The following SEMA5A variants were observed in gnomAD, a reference collection of about 807,000 sequenced individuals.
SEMA5A encodes semaphorin-5A.
In SEMA5A, 55 loss-of-function variants were observed where a neutral mutation model predicts 135.5. The ratio of observed to expected loss-of-function variants is 0.41; its 90% CI spans 0.33 to 0.51. SEMA5A has a LOEUF of 0.51. Among genes scored for constraint, SEMA5A ranks in the 20% least tolerant of loss-of-function variants. The pLI is 0.37. For synonymous variants in SEMA5A, 580 were observed against 546.5 expected (o/e 1.06, Z -0.85); for missense variants, 1,290 against 1,419.9 (o/e 0.91, Z 1.47).
At chr5:9,111,032 AAT>A (rs1424962451) in intron 15 of SEMA5A, among the ~76,000 whole-genome samples, 4 of 152,354 alleles carry the variant, frequency 2.6e-5, no homozygotes, top group Non-Finnish European at 4.4e-5. Flanking sequence ...AAGTAAAATT[AAT>A]ATGTGTGTTG....
At chr5:9,154,796 G>T in intron 11 of SEMA5A, 101 bp from the exon 12 acceptor site, 2 of 1,011,026 alleles carry the variant, frequency 2.0e-6, no homozygotes, top group Non-Finnish European at 3.0e-6. Flanking sequence ...TGGATCTTCA[G>T]CCAGGAAAGC....
In SEMA5A at chr5:9,340,231, G is replaced by A. The variant is rs552126405; in HGVS notation, c.125-2419C>T. Among the ~76,000 whole-genome samples, 11 of 152,278 alleles carry A rather than the reference G, an allele frequency of 7.2e-5. No individual in the cohort carries two copies. In the South Asian group the frequency reaches 2.3e-3, roughly 32 times the overall value. On this transcript the variant is annotated intron_variant, in intron 3 of 22. Transcript: ENST00000382496. ...CAGATGGGAAACACATGACCAGGGA[G>A]CACTGCCAGGACCAGGCTCCAGAGT...
chr5:9,206,301 G>T (rs1746011350), intron 8 of SEMA5A, among the ~76,000 whole-genome samples: 3 of 152,102 alleles, frequency 2.0e-5, no homozygotes, highest in Admixed American at 2.0e-4. Flanking sequence ...AACATACTGA[G>T]TTATGTATTA....
intron 1 of SEMA5A, among the ~76,000 whole-genome samples, chr5:9,456,274 C>T (rs1758831414): frequency 6.6e-6 from 1 of 152,222 alleles, no homozygotes; most frequent in Non-Finnish European, 1.5e-5. Context: ...GTGGTAGCCA[C>T]ACTCTCCCTA....
At chr5:9,111,525 A>G (rs1310593458) in intron 15 of SEMA5A, among the ~76,000 whole-genome samples, 3 of 152,206 alleles carry the variant, frequency 2.0e-5, no homozygotes, top group Non-Finnish European at 4.4e-5. Flanking sequence ...ACTTTCAGCC[A>G]GTGTTAATAA....
intron 21 of SEMA5A, among the ~76,000 whole-genome samples, chr5:9,047,399 G>A (rs1378432657): frequency 6.6e-6 from 1 of 152,112 alleles, no homozygotes; most frequent in East Asian, 1.9e-4. Context: ...AGCTCTCTAA[G>A]ACAAAAAATT....
intron 1 of SEMA5A, among the ~76,000 whole-genome samples, chr5:9,538,014 A>G (rs1008797915): frequency 1.3e-5 from 2 of 152,182 alleles, no homozygotes; most frequent in African/African-American, 4.8e-5. Flanking sequence ...TGCCCACAAG[A>G]GAGCTGAGGA....
intron 1 of SEMA5A, among the ~76,000 whole-genome samples, chr5:9,482,062 T>C (rs1759898491): frequency 6.6e-6 from 1 of 152,132 alleles, no homozygotes; most frequent in Non-Finnish European, 1.5e-5. Context: ...GACCCAAAAA[T>C]TACTTTTGTC....
intron 5 of SEMA5A, among the ~76,000 whole-genome samples, chr5:9,270,875 G>A (rs1749938389): frequency 1.3e-5 from 2 of 152,040 alleles, no homozygotes; most frequent in African/African-American, 2.4e-5. Context: ...ACAGCCTGTG[G>A]GTCAAATCCA....
intron 2 of SEMA5A, among the ~76,000 whole-genome samples, chr5:9,388,361 A>C (rs1755987667): frequency 6.6e-6 from 1 of 152,076 alleles, no homozygotes; most frequent in African/African-American, 2.4e-5. Flanking sequence ...TAAAATTATT[A>C]TTTACACAAA....
At chr5:9,407,318 C>CA (rs1756926005) in intron 2 of SEMA5A, among the ~76,000 whole-genome samples, 1 of 152,172 alleles carries the variant, frequency 6.6e-6, no homozygotes, top group African/African-American at 2.4e-5. Flanking sequence ...TGTGCTAATA[C>CA]GATCTTACAG....
chr5:9,500,073 C>T lies in SEMA5A; in HGVS notation c.-175+45511G>A, dbSNP rs769103665. On this transcript the variant is annotated intron_variant, in intron 1 of 22. Coordinates refer to ENST00000382496, the MANE Select transcript of SEMA5A (RefSeq NM_003966.3). ...TTTTAATATCTTCTATATCACCCTACAGCGCAACATATGCAATTAAGAAGA... is the reference window on the plus strand; with the variant it reads ...TTTTAATATCTTCTATATCACCCTATAGCGCAACATATGCAATTAAGAAGA... 2.0e-5 allele frequency among the ~76,000 whole-genome samples: 3 copies of T among 152,312 alleles called. No individual in the cohort carries two copies. In the South Asian group the frequency reaches 6.2e-4, roughly 32 times the overall value.
At chr5:9,111,505 C>T (rs954485298) in intron 15 of SEMA5A, among the ~76,000 whole-genome samples, 1 of 152,156 alleles carries the variant, frequency 6.6e-6, no homozygotes, top group Non-Finnish European at 1.5e-5. Context: ...CAGGGTAACC[C>T]GTGCATGGAA....
intron 1 of SEMA5A, among the ~76,000 whole-genome samples, chr5:9,456,067 G>C (rs980955270): frequency 6.6e-6 from 1 of 152,338 alleles, no homozygotes. Flanking sequence ...GACAGAAAGA[G>C]CCAGCTCTTT....
At chr5:9,324,691 T>C (rs1752789769) in intron 4 of SEMA5A, among the ~76,000 whole-genome samples, 1 of 152,206 alleles carries the variant, frequency 6.6e-6, no homozygotes, top group Non-Finnish European at 1.5e-5. Flanking sequence ...TCCCAGGTGT[T>C]GGGCCACTCA....
intron 1 of SEMA5A, among the ~76,000 whole-genome samples, chr5:9,467,517 C>T (rs905457887): frequency 6.6e-6 from 1 of 152,182 alleles, no homozygotes; most frequent in African/African-American, 2.4e-5. Flanking sequence ...TACTGGAGGA[C>T]TCCAAACTTC....
At chr5:9,414,374 A>G (rs1407469519) in intron 2 of SEMA5A, among the ~76,000 whole-genome samples, 1 of 152,240 alleles carries the variant, frequency 6.6e-6, no homozygotes, top group East Asian at 1.9e-4. Context: ...TGCCTATGCA[A>G]TACAGTCTCA....
intron 5 of SEMA5A, among the ~76,000 whole-genome samples, chr5:9,258,472 G>A (rs1749203733): frequency 1.3e-5 from 2 of 152,160 alleles, no homozygotes; most frequent in African/African-American, 4.8e-5. Flanking sequence ...AGGCTCAAAT[G>A]CCAAGGCCTC....
intron 22 of SEMA5A, 62 bp from the exon 23 acceptor site, chr5:9,043,078 T>C (rs1297736349): frequency 1.4e-6 from 2 of 1,393,478 alleles, no homozygotes; most frequent in Admixed American, 1.9e-5. Context: ...AGAAATAATA[T>C]AACAAGGATG....
Sources: gnomAD v4.1 joint callset for allele counts (sites outside exome capture counted in the v4.1 genomes callset) on GRCh38, gnomAD v4.1.1 for gene constraint, MANE v1.5 for transcripts, NCBI Gene and HGNC (gene_info 2026-07-23, HGNC 2026-07-21) for gene names.